The following SCLT1 variants were observed in gnomAD, a reference collection of about 807,000 sequenced individuals.
SCLT1 encodes the protein sodium channel-associated protein 1.
In SCLT1, 78 loss-of-function variants were observed where a neutral mutation model predicts 112.8. The ratio of observed to expected loss-of-function variants is 0.69; its 90% confidence interval spans 0.58 to 0.83. The LOEUF (loss-of-function observed/expected upper bound fraction) is 0.83, where lower values mean the gene tolerates loss of function less well. Ranked by LOEUF, SCLT1 falls within the 40% of genes least tolerant of loss-of-function variation. The pLI is 0.00. For synonymous variants in SCLT1, 257 were observed against 254.7 expected (o/e 1.01, Z -0.09); for missense variants, 747 against 770.4 (o/e 0.97, Z 0.36).
intron 5 of SCLT1, among the ~76,000 whole-genome samples, chr4:129,030,170 C>T (rs1265825055): frequency 6.6e-6 from 1 of 152,112 alleles, no homozygotes; most frequent in Non-Finnish European, 1.5e-5. Flanking sequence ...CTCAAAACTG[C>T]ACAACTACAT....
In SCLT1 at chr4:128,919,451, C is replaced by T. The variant is rs1052958820; in HGVS notation, c.1829+17204G>A. On this transcript the variant is annotated intron_variant, in intron 18 of 20. Transcript: ENST00000281142. ...TTAAGCAGAAGTTTATAGTGCTAAA[C>T]GCCCTCAAAAAGTTAGAAAGACCTC... 9.2e-5 allele frequency among the ~76,000 whole-genome samples: 14 copies of T among 152,096 alleles called. No homozygotes were observed. In the East Asian group the frequency reaches 1.4e-3, roughly 15 times the overall value.
At chr4:129,089,556 A>G (rs957711234) in intron 1 of SCLT1, among the ~76,000 whole-genome samples, 1 of 152,232 alleles carries the variant, frequency 6.6e-6, no homozygotes, top group Admixed American at 6.5e-5. Context: ...ATAAAGACAC[A>G]TGCACATGTA....
In SCLT1 at chr4:129,026,933, A is replaced by T. The variant is rs1746154475; in HGVS notation, c.290+12108T>A. ...GAATACTACAAACACCTCTATGCAAATAAACTAGAAAATCTAGAAGAAATG... is the reference window on the plus strand; with the variant it reads ...GAATACTACAAACACCTCTATGCAATTAAACTAGAAAATCTAGAAGAAATG... On this transcript the variant is annotated intron_variant, in intron 5 of 20. Transcript: ENST00000281142. Among the ~76,000 whole-genome samples, 4 of 152,340 alleles carry T rather than the reference A, an allele frequency of 2.6e-5. No individual in the cohort carries two copies. The South Asian group carries it at 8.3e-4, about 32-fold the overall frequency.
chr4:128,948,376 C>G, intron 15 of SCLT1, 120 bp downstream of exon 15: 3 of 291,930 alleles, frequency 1.0e-5, no homozygotes, highest in Non-Finnish European at 1.6e-5. Context: ...AAAAGAAAAA[C>G]TTACCAGGAC....
intron 10 of SCLT1, among the ~76,000 whole-genome samples, chr4:128,969,054 T>C (rs1740446371): frequency 6.6e-6 from 1 of 152,232 alleles, no homozygotes; most frequent in Non-Finnish European, 1.5e-5. Flanking sequence ...TATTCAATTA[T>C]AAAAAGTAGC....
At chr4:128,888,281 A>G (rs1236137954) in intron 20 of SCLT1, among the ~76,000 whole-genome samples, 14 of 151,986 alleles carry the variant, frequency 9.2e-5, no homozygotes, top group Non-Finnish European at 5.9e-5. Flanking sequence ...CAGTAGCACA[A>G]ACGTGGCTCA....
chr4:128,913,226 C>G (rs1735232566), intron 18 of SCLT1, among the ~76,000 whole-genome samples: 1 of 152,076 alleles, frequency 6.6e-6, no homozygotes, highest in African/African-American at 2.4e-5. Context: ...CAAGGAGGCA[C>G]TACAGCAAAA....
At chr4:129,006,022 G>A (rs1475424944) in intron 5 of SCLT1, among the ~76,000 whole-genome samples, 3 of 106,654 alleles carry the variant, frequency 2.8e-5, no homozygotes, top group Non-Finnish European at 5.6e-5. Context: ...GTTGTGGGGT[G>A]GGGGGAGGGG....
chr4:128,891,074 A>G lies in SCLT1; in HGVS notation c.1893T>C (p.Asn631=), dbSNP rs150924676. 8.4e-5 allele frequency: 135 copies of G among 1,612,516 alleles called. 1 individual carries two copies. Among genetic ancestry groups the G allele is most frequent in the Non-Finnish European group, 1.1e-4 (128 of 1,179,046 alleles). ...ATTATCTCACCTCAGCTACCTTTTCATTTGCCATTTCCAGCTGAGAAAGCA... is the reference window on the plus strand; with the variant it reads ...ATTATCTCACCTCAGCTACCTTTTCGTTTGCCATTTCCAGCTGAGAAAGCA... ...QELLSQLEMA[N]EKVAENEKLI... Residue 631 remains asparagine (N), a synonymous_variant, in exon 19 of 21, where the codon AAT becomes AAC. Transcript: ENST00000281142.
intron 18 of SCLT1, among the ~76,000 whole-genome samples, chr4:128,929,958 G>A (rs140305509): frequency 1.8e-4 from 27 of 152,250 alleles, no homozygotes; most frequent in African/African-American, 6.3e-4. Context: ...CAAAGATGAG[G>A]TGAAAGGACA....
intron 2 of SCLT1, among the ~76,000 whole-genome samples, chr4:129,082,079 G>A (rs753062615): frequency 1.3e-5 from 2 of 152,092 alleles, no homozygotes; most frequent in African/African-American, 2.4e-5. Flanking sequence ...TTCAGAACTC[G>A]AATGAATTCC....
At position 129,010,431 on chromosome 4, in the gene SCLT1, G is replaced by GT. The variant is rs570061265; in HGVS notation, c.291-6556dup. Among the ~76,000 whole-genome samples the GT allele has an allele frequency of 1.8e-4, 28 of 152,212 alleles. No individual in the cohort carries two copies. In the South Asian group the frequency reaches 5.4e-3, roughly 29 times the overall value. ...TTCGTTCCACATGAATTTTAAAATA[G>GT]TTTTTTCTAGTTCTGTGAAGAATCT... On this transcript the variant is annotated intron_variant, in intron 5 of 20. Coordinates refer to ENST00000281142, the MANE Select transcript of SCLT1 (RefSeq NM_144643.4).
chr4:128,992,076 A>G (rs1292143440), intron 9 of SCLT1, 91 bp downstream of exon 9: 14 of 779,944 alleles, frequency 1.8e-5, no homozygotes, highest in Admixed American at 2.6e-5. Flanking sequence ...AGGAAGGCAA[A>G]AAAACACCCA....
At chr4:129,051,848 C>A (rs1393213778) in intron 2 of SCLT1, among the ~76,000 whole-genome samples, 1 of 152,028 alleles carries the variant, frequency 6.6e-6, no homozygotes, top group Admixed American at 6.6e-5. Context: ...TTTGGTATGA[C>A]GTTGGCTGTG....
chr4:128,992,287 T>A, intron 8 of SCLT1, 50 bp from the exon 9 acceptor site: 1 of 1,153,050 alleles, frequency 8.7e-7, no homozygotes, highest in Non-Finnish European at 1.2e-6. Flanking sequence ...AATAACTGTA[T>A]CTTTAAAGAT....
chr4:128,973,829 G>A (rs1367596008), intron 9 of SCLT1, among the ~76,000 whole-genome samples: 2 of 152,038 alleles, frequency 1.3e-5, no homozygotes, highest in African/African-American at 2.4e-5. Flanking sequence ...GGGGAAATAA[G>A]TAGTGGTTTT....
At chr4:129,059,850 T>C (rs1393005488) in intron 2 of SCLT1, among the ~76,000 whole-genome samples, 14 of 152,142 alleles carry the variant, frequency 9.2e-5, no homozygotes, top group Non-Finnish European at 1.8e-4. Context: ...TTAAGTCTCA[T>C]TGGGGATGTT....
At chr4:129,050,030 C>T (rs954832111) in intron 2 of SCLT1, among the ~76,000 whole-genome samples, 1 of 151,990 alleles carries the variant, frequency 6.6e-6, no homozygotes, top group African/African-American at 2.4e-5. Context: ...GAGGAGAATG[C>T]TTTCCAACTT....
At chr4:129,040,262 G>A (rs1747584044) in intron 4 of SCLT1, 2 of 702,508 alleles carry the variant, frequency 2.8e-6, no homozygotes, top group Non-Finnish European at 5.2e-6. Context: ...AGATAATTGA[G>A]CACTGACCAT....
Sources: gnomAD v4.1 joint callset for allele counts (sites outside exome capture counted in the v4.1 genomes callset) on GRCh38, gnomAD v4.1.1 for gene constraint, MANE v1.5 for transcripts, NCBI Gene and HGNC (gene_info 2026-07-23, HGNC 2026-07-21) for gene names.